The following ZBBX variants were observed in gnomAD, a reference collection of about 807,000 sequenced individuals.
ZBBX encodes zinc finger B-box domain-containing protein 1.
Under a neutral mutation model 108.5 loss-of-function variants are expected in ZBBX, and 101 were observed. That is an observed-to-expected ratio of 0.93 (90% CI 0.79 to 1.10). The LOEUF is 1.10. Ranked by LOEUF, ZBBX falls within the 50% of genes least tolerant of loss-of-function variation. The probability of loss-of-function intolerance (pLI) is 0.00; values close to 1 mark genes in which losing one functional copy is unlikely to be tolerated. For missense variants in ZBBX, 1,009 were observed against 941.4 expected (o/e 1.07, Z -0.94); for synonymous variants, 356 against 323.4 (o/e 1.10, Z -1.08).
Position 167,343,664 on chromosome 3 carries a change from C to T in ZBBX, c.528+6756G>A, listed in dbSNP as rs1248789103. 3.3e-5 allele frequency among the ~76,000 whole-genome samples: 5 copies of T among 151,948 alleles called. No homozygotes were observed. The South Asian group carries it at 6.3e-4, about 19-fold the overall frequency. On this transcript the variant is annotated intron_variant, in intron 9 of 21. Coordinates refer to ENST00000675490, the MANE Select transcript of ZBBX (RefSeq NM_001199201.2). The stretch of plus-strand genomic sequence containing the variant: ...AGTCATCAAAATGCAAACCAAACCA[C>T]GATGTGCTACTGCTTCATATTACTA...
chr3:167,270,267 G>A (rs1332531058), intron 20 of ZBBX, among the ~76,000 whole-genome samples: 3 of 152,152 alleles, frequency 2.0e-5, no homozygotes, highest in Admixed American at 6.5e-5. Flanking sequence ...TGAAGGCATC[G>A]TGTATTTACC....
chr3:167,276,702 T>A (rs1420842758), intron 20 of ZBBX, among the ~76,000 whole-genome samples: 1 of 152,126 alleles, frequency 6.6e-6, no homozygotes, highest in African/African-American at 2.4e-5. Flanking sequence ...TTCCCCAACC[T>A]AGCAAGGCAG....
At chr3:167,239,287 T>C (rs561621386), downstream of ZBBX, among the ~76,000 whole-genome samples, 1 of 152,208 alleles carries the variant, frequency 6.6e-6, no homozygotes, top group East Asian at 1.9e-4. Flanking sequence ...TGTCTACTTA[T>C]TTAAATGTTA....
At chr3:167,271,148 A>T (rs1171639891) in intron 20 of ZBBX, among the ~76,000 whole-genome samples, 1 of 152,180 alleles carries the variant, frequency 6.6e-6, no homozygotes, top group Non-Finnish European at 1.5e-5. Flanking sequence ...AACCATCCAT[A>T]TTGATTCTAA....
chr3:167,223,099 G>A, the ZBBX span, among the ~76,000 whole-genome samples: 1 of 151,758 alleles, frequency 6.6e-6, no homozygotes, highest in Non-Finnish European at 1.5e-5. Context: ...TCATAGCCCA[G>A]CAGTAGATCC....
the ZBBX span, among the ~76,000 whole-genome samples, chr3:167,214,066 C>A: frequency 2.0e-5 from 3 of 152,028 alleles, no homozygotes; most frequent in Non-Finnish European, 4.4e-5. Flanking sequence ...AGATGGTTAC[C>A]AGCTAATACA....
chr3:167,278,942 C>T (rs1226930563), intron 20 of ZBBX, among the ~76,000 whole-genome samples: 2 of 152,072 alleles, frequency 1.3e-5, no homozygotes, highest in Non-Finnish European at 2.9e-5. Context: ...AAGGCTGGTT[C>T]AATATGTGCA....
chr3:167,205,955 C>T, the ZBBX span, among the ~76,000 whole-genome samples: 1 of 152,160 alleles, frequency 6.6e-6, no homozygotes, highest in East Asian at 1.9e-4. Context: ...AAAATGAATA[C>T]TTAACGATCA....
At chr3:167,392,684 C>T (rs1026849762) in intron 1 of ZBBX, 5 of 151,700 alleles carry the variant, frequency 3.3e-5, no homozygotes, top group African/African-American at 1.2e-4. Context: ...GATGAGATGC[C>T]AGGTGCTCAT....
the ZBBX span, among the ~76,000 whole-genome samples, chr3:167,181,074 CT>C: frequency 6.6e-6 from 1 of 152,168 alleles, no homozygotes; most frequent in Admixed American, 6.5e-5. Flanking sequence ...ATTGGCTTAT[CT>C]GTTAACCATT....
intron 21 of ZBBX, among the ~76,000 whole-genome samples, chr3:167,241,700 T>C (rs1560011524): frequency 6.6e-6 from 1 of 152,138 alleles, no homozygotes; most frequent in Non-Finnish European, 1.5e-5. Flanking sequence ...GGCAACATGT[T>C]GATACCCTGT....
chr3:167,246,993 C>T (rs796865295), intron 20 of ZBBX, among the ~76,000 whole-genome samples: 22 of 152,258 alleles, frequency 1.4e-4, no homozygotes, highest in African/African-American at 4.6e-4. Flanking sequence ...GGAAGTGATA[C>T]GGAAGTACGG....
At chr3:167,360,141 A>G (rs1744272863) in intron 7 of ZBBX, among the ~76,000 whole-genome samples, 162 bp from the exon 8 acceptor site, 1 of 148,134 alleles carries the variant, frequency 6.8e-6, no homozygotes, top group African/African-American at 2.4e-5. Context: ...CATAATAAAT[A>G]TATGTATATA....
chr3:167,366,736 T>G (rs1384055596), intron 5 of ZBBX: 4 of 430,708 alleles, frequency 9.3e-6, no homozygotes, highest in Non-Finnish European at 1.8e-5. Context: ...CTTTAGAATG[T>G]TAAGAATCAT....
intron 11 of ZBBX, 71 bp downstream of exon 11, chr3:167,327,871 G>T: frequency 7.0e-7 from 1 of 1,429,150 alleles, no homozygotes. Context: ...CCAAGATCAC[G>T]CCGCTGCACT....
At chr3:167,241,515 G>A (rs1370661973) in intron 21 of ZBBX, among the ~76,000 whole-genome samples, 4 of 152,104 alleles carry the variant, frequency 2.6e-5, no homozygotes, top group African/African-American at 9.7e-5. Context: ...GGTGTAGTTT[G>A]TTTTTAATGA....
intron 1 of ZBBX, among the ~76,000 whole-genome samples, chr3:167,396,879 TA>T (rs1560216626): frequency 6.6e-6 from 1 of 151,802 alleles, no homozygotes; most frequent in Admixed American, 6.6e-5. Flanking sequence ...GTGTCTCCTT[TA>T]AAAAATGCTG....
At chr3:167,195,876 A>C in the ZBBX span, among the ~76,000 whole-genome samples, 1 of 152,222 alleles carries the variant, frequency 6.6e-6, no homozygotes, top group Non-Finnish European at 1.5e-5. Context: ...GTCTTCACTT[A>C]ATGTTGAAGT....
In ZBBX at chr3:167,322,203, C is replaced by T. The variant is rs573409395; in HGVS notation, c.897G>A (p.Leu299=). Residue 299 remains leucine (L), a synonymous_variant, in exon 12 of 22, where the codon CTG becomes CTA. Coordinates refer to ENST00000675490, the MANE Select transcript of ZBBX (RefSeq NM_001199201.2). The part of the protein sequence containing the change: ...SLEECEVQTN[L]KIWREPLNIE... ...TATTAAGTGGTTCTCTCCAAATTTT[C>T]AGATTAGTCTGTACTTCGCATTCTT... is the stretch of plus-strand genomic sequence containing the variant. 2.0e-6 allele frequency: 3 copies of T among 1,480,532 alleles called. No homozygotes were observed. The South Asian group carries it at 4.6e-5, about 23-fold the overall frequency. 91.7% of individuals were successfully genotyped at this position (1,480,532 alleles called of 1,614,324 possible).
Sources: allele counts gnomAD v4.1 joint callset (sites outside exome capture counted in the v4.1 genomes callset), GRCh38; gene constraint gnomAD v4.1.1; transcripts MANE v1.5; gene names NCBI Gene and HGNC (gene_info 2026-07-23, HGNC 2026-07-21).